FGD5: variants seen among roughly 807,000 people sequenced by gnomAD.
The protein encoded by FGD5 is FYVE, RhoGEF and PH domain-containing protein 5.
FGD5 carries 28 observed loss-of-function variants against 133.4 expected under a neutral mutation model. The observed-to-expected ratio is 0.21, with a 90% CI of 0.16 to 0.29. The LOEUF (loss-of-function observed/expected upper bound fraction) is 0.29. Ranked by LOEUF, FGD5 falls within the 10% of genes least tolerant of loss-of-function variation. The probability of loss-of-function intolerance (pLI) is 1.00; values close to 1 mark genes in which losing one functional copy is unlikely to be tolerated. For synonymous variants in FGD5, 810 were observed against 776.5 expected (o/e 1.04, Z -0.72); for missense variants, 1,858 against 1,895.2 (o/e 0.98, Z 0.36).
At chr3:14,850,455 C>G (rs2037137409) in intron 1 of FGD5, among the ~76,000 whole-genome samples, 1 of 152,220 alleles carries the variant, frequency 6.6e-6, no homozygotes, top group African/African-American at 2.4e-5. Flanking sequence ...AGTGGCAGCA[C>G]CTGTGATGCC....
At chr3:14,868,453 G>A (rs931633149) in intron 2 of FGD5, among the ~76,000 whole-genome samples, 3 of 152,234 alleles carry the variant, frequency 2.0e-5, no homozygotes, top group South Asian at 4.1e-4. Context: ...TGCACCTGTA[G>A]CCTCACCTTG....
chr3:14,845,843 CT>C (rs755171408), intron 1 of FGD5, among the ~76,000 whole-genome samples: 5 of 152,166 alleles, frequency 3.3e-5, no homozygotes, highest in Admixed American at 6.5e-5. Flanking sequence ...TCCTCAGGTC[CT>C]CCCTGACTAG....
intron 4 of FGD5, chr3:14,882,474 G>A (rs1378445002): frequency 2.8e-6 from 1 of 355,904 alleles, no homozygotes; most frequent in Non-Finnish European, 3.9e-6. Flanking sequence ...GAGGTGGGCT[G>A]ATCATCTGAG....
At position 14,825,428 on chromosome 3, in the gene FGD5, GACTCCCATCTCTACATATAC is replaced by G. The variant is rs527441576; in HGVS notation, c.2525+3852_2525+3871del. Among the ~76,000 whole-genome samples the G allele has an allele frequency of 4.6e-3, 705 of 152,002 alleles. 6 individuals carry two copies. The highest frequency in any genetic ancestry group is 0.016 in the African/African-American group (671 of 41,402). ...GAGACCAGCCTAGACAACATAGTGA[GACTCCCATCTCTACATATAC>G]ACTCCCATCTCTACATATATATATA... On this transcript the variant is annotated intron_variant, in intron 1 of 19. Coordinates refer to ENST00000285046, the MANE Select transcript of FGD5 (RefSeq NM_152536.4).
intron 11 of FGD5, among the ~76,000 whole-genome samples, chr3:14,914,301 G>A (rs1446304682): frequency 1.3e-5 from 2 of 152,354 alleles, no homozygotes; most frequent in African/African-American, 4.8e-5. Flanking sequence ...GTTAGACTGC[G>A]GAAAGTGTCT....
At position 14,922,100 on chromosome 3, in the gene FGD5, C is replaced by G; in HGVS notation, c.3669+83C>G. 3 of 1,361,296 alleles carry G rather than the reference C, an allele frequency of 2.2e-6. No homozygotes were observed. Among genetic ancestry groups the G allele is most frequent in the Non-Finnish European group, 3.1e-6 (3 of 978,764 alleles). 84.3% of individuals were successfully genotyped at this position (1,361,296 alleles called of 1,614,324 possible). On this transcript the variant is annotated intron_variant, in intron 14 of 19. Transcript: ENST00000285046. This position sits in a 1 kb window ranked among gnomAD's most constrained non-coding sequence, Gnocchi z 4.1. ...GCGGGCATTGCTGTTGCCACTCACA[C>G]CCAGATGGACGTGTAGCTCCTGTCT... is the stretch of plus-strand genomic sequence containing the variant.
intron 2 of FGD5, among the ~76,000 whole-genome samples, chr3:14,879,414 G>A (rs1162230100): frequency 6.6e-6 from 1 of 152,260 alleles, no homozygotes; most frequent in African/African-American, 2.4e-5. Flanking sequence ...GCTTGTGGCA[G>A]AAGGCCCAGG....
chr3:14,900,939 T>C (rs370627473), intron 8 of FGD5, 64 bp from the exon 9 acceptor site: 485 of 1,594,976 alleles, frequency 3.0e-4, no homozygotes, highest in Non-Finnish European at 2.4e-4. Context: ...GACCTGACAC[T>C]ACAGTGGGGA....
chr3:14,898,293 G>C (rs1559498263), intron 6 of FGD5, among the ~76,000 whole-genome samples, 198 bp downstream of exon 6: 1 of 152,180 alleles, frequency 6.6e-6, no homozygotes, highest in Non-Finnish European at 1.5e-5. Flanking sequence ...TTGGGCAGCA[G>C]ATGACAGTGC....
chr3:14,894,253 A>T lies in FGD5; in HGVS notation c.2749-3256A>T, dbSNP rs138751707. Among the ~76,000 whole-genome samples the T allele has an allele frequency of 1.9e-3, 289 of 152,230 alleles. 1 individual carries two copies. The highest frequency in any genetic ancestry group is 3.7e-3 in the Admixed American group (56 of 15,300). Reference sequence around the variant, plus strand: ...TTATTCACTTAAGATAATGACTTTCAGTTCCATCCGTGTTGCTGCAGATGA... The same window carrying T: ...TTATTCACTTAAGATAATGACTTTCTGTTCCATCCGTGTTGCTGCAGATGA... On this transcript the variant is annotated intron_variant, in intron 4 of 19. Coordinates refer to ENST00000285046, the MANE Select transcript of FGD5 (RefSeq NM_152536.4).
At chr3:14,867,145 G>A (rs2037510773) in intron 2 of FGD5, among the ~76,000 whole-genome samples, 1 of 152,200 alleles carries the variant, frequency 6.6e-6, no homozygotes, top group Non-Finnish European at 1.5e-5. Flanking sequence ...GCAGATGAGG[G>A]TGAAAGTCCC....
rs563515460 is a variant in FGD5 at position 14,835,921 on chromosome 3, G to A, written c.2525+14325G>A. ...TTTTGATTGTACCTGATATGAAGAAGGGATCAGAGGAGGGCAGGAAAAGGG... is the reference window on the plus strand; with the variant it reads ...TTTTGATTGTACCTGATATGAAGAAAGGATCAGAGGAGGGCAGGAAAAGGG... On this transcript the variant is annotated intron_variant, in intron 1 of 19. Transcript: ENST00000285046. 1.9e-3 allele frequency among the ~76,000 whole-genome samples: 282 copies of A among 152,324 alleles called. 5 individuals carry two copies. The highest frequency in any genetic ancestry group is 0.014 in the Middle Eastern group (4 of 294).
chr3:14,918,156 TTG>T (rs2038597413), intron 12 of FGD5, among the ~76,000 whole-genome samples: 1 of 152,212 alleles, frequency 6.6e-6, no homozygotes, highest in Non-Finnish European at 1.5e-5. Flanking sequence ...ATGGGAACAC[TTG>T]GGAGCTGTTG....
intron 2 of FGD5, 50 bp from the exon 3 acceptor site, chr3:14,880,522 T>C: frequency 6.3e-7 from 1 of 1,591,716 alleles, no homozygotes; most frequent in South Asian, 1.1e-5. Context: ...TGGCCTCCTC[T>C]AGAAACCACT....
chr3:14,909,256 C>T (rs933358205), intron 10 of FGD5, among the ~76,000 whole-genome samples: 1 of 152,232 alleles, frequency 6.6e-6, no homozygotes, highest in South Asian at 2.1e-4. Flanking sequence ...GCGTGAGCCA[C>T]TGTGCCCAGC....
intron 1 of FGD5, among the ~76,000 whole-genome samples, chr3:14,812,372 C>T (rs530260267): frequency 1.3e-5 from 2 of 152,328 alleles, no homozygotes; most frequent in African/African-American, 4.8e-5. Flanking sequence ...TTTTCCTACA[C>T]TCCTAATAAA....
At chr3:14,887,027 G>A (rs1286487980) in intron 4 of FGD5, among the ~76,000 whole-genome samples, 3 of 152,214 alleles carry the variant, frequency 2.0e-5, no homozygotes, top group Non-Finnish European at 2.9e-5. Flanking sequence ...TGAGTGGGGT[G>A]TTCTGTGGAT....
chr3:14,901,075 G>T lies in FGD5; in HGVS notation c.3264+14G>T. The stretch of plus-strand genomic sequence containing the variant: ...ATGGAGCAAGGGGTGAGTGCGGCCT[G>T]GCGGCCCCCTTCCTCAGACACAGGT... On this transcript the variant is annotated intron_variant, in intron 9 of 19. Coordinates refer to ENST00000285046, the MANE Select transcript of FGD5 (RefSeq NM_152536.4). The T allele has an allele frequency of 6.2e-7, 1 of 1,613,864 alleles. No individual in the cohort carries two copies. Among genetic ancestry groups the T allele is most frequent in the Non-Finnish European group, 8.5e-7 (1 of 1,179,786 alleles).
At chr3:14,864,876 G>A (rs939942814) in intron 2 of FGD5, among the ~76,000 whole-genome samples, 3 of 152,092 alleles carry the variant, frequency 2.0e-5, no homozygotes, top group Non-Finnish European at 2.9e-5. Context: ...ATGGTGAGCC[G>A]GCCTTCACCT....
Sources: gnomAD v4.1 joint callset for allele counts (sites outside exome capture counted in the v4.1 genomes callset) on GRCh38, gnomAD v4.1.1 for gene constraint, Gnocchi (gnomAD v3.1) non-coding constraint, MANE v1.5 for transcripts, NCBI Gene and HGNC (gene_info 2026-07-23, HGNC 2026-07-21) for gene names.